PDS5B: variants seen among roughly 807,000 people sequenced by gnomAD.
The protein encoded by PDS5B is sister chromatid cohesion protein PDS5 homolog B.
A neutral mutation model predicts 184.1 loss-of-function variants in PDS5B; 51 were observed. The observed-to-expected ratio is 0.28, with a 90% CI of 0.22 to 0.35. The LOEUF (loss-of-function observed/expected upper bound fraction) is 0.35, where lower values mean the gene tolerates loss of function less well. PDS5B is among the 10% of genes least tolerant of loss of function. PDS5B has a pLI of 1.00. For synonymous variants in PDS5B, 566 were observed against 569.2 expected, an observed-to-expected ratio of 0.99 and a Z score of 0.08; for missense variants, 1,180 against 1,723.3, an observed-to-expected ratio of 0.68 and a Z score of 5.58.
intron 33 of PDS5B, 91 bp from the exon 34 acceptor site, chr13:32,773,098 T>C (rs937927327): frequency 1.8e-6 from 2 of 1,084,004 alleles, no homozygotes; most frequent in African/African-American, 1.6e-5. Flanking sequence ...AAAGATGATA[T>C]GACGATGAAA....
chr13:32,766,937 A>C (rs1954604956), intron 31 of PDS5B, among the ~76,000 whole-genome samples: 1 of 152,168 alleles, frequency 6.6e-6, no homozygotes, highest in South Asian at 2.1e-4. Context: ...AAGAAGTGAC[A>C]TTTTAAATTT....
intron 20 of PDS5B, among the ~76,000 whole-genome samples, chr13:32,733,773 AT>A (rs1316630248): frequency 6.6e-6 from 1 of 152,190 alleles, no homozygotes; most frequent in Non-Finnish European, 1.5e-5. Flanking sequence ...CCACCCATGT[AT>A]CCCCAGCCAC....
At chr13:32,668,591 G>A (rs1479898022) in intron 7 of PDS5B, among the ~76,000 whole-genome samples, 7 of 152,280 alleles carry the variant, frequency 4.6e-5, no homozygotes, top group Admixed American at 4.6e-4. Flanking sequence ...GAATACAAAT[G>A]TAGAGTACAG....
intron 19 of PDS5B, among the ~76,000 whole-genome samples, chr13:32,723,347 T>C (rs1158355448): frequency 6.6e-6 from 1 of 152,228 alleles, no homozygotes; most frequent in Non-Finnish European, 1.5e-5. Context: ...AGTTTTTTCT[T>C]TAGGGTTTCA....
At chr13:32,734,015 A>ACACACAC (rs1555312887) in intron 20 of PDS5B, among the ~76,000 whole-genome samples, 14 of 58,150 alleles carry the variant, frequency 2.4e-4, no homozygotes, top group African/African-American at 1.2e-3. Context: ...CACACACACA[A>ACACACAC]ACATATATTT....
Position 32,775,432 on chromosome 13 carries a change from G to A in PDS5B, c.*380G>A, listed in dbSNP as rs1452058589. The stretch of plus-strand genomic sequence containing the variant: ...TATTGATTTGAAAAGAATTTGTTAG[G>A]ATAGATCTTAAGCAGTAATCTGTCA... On this transcript the variant is annotated 3_prime_UTR_variant, in exon 35 of 35. Coordinates refer to ENST00000315596, the MANE Select transcript of PDS5B (RefSeq NM_015032.4). 3.1e-6 allele frequency: 1 copy of A among 319,662 alleles called. No individual in the cohort carries two copies. The highest frequency in any genetic ancestry group is 6.1e-6 in the Non-Finnish European group (1 of 165,122). The allele number at this position is 319,662 out of a possible 1,614,324, so 19.8% of individuals were successfully genotyped here. A position where few individuals can be genotyped will look rare whatever the true frequency, so the allele number is the denominator to read the frequency against.
chr13:32,607,379 A>G (rs2058076125), intron 1 of PDS5B, among the ~76,000 whole-genome samples: 1 of 152,206 alleles, frequency 6.6e-6, no homozygotes. Context: ...AACAGCAAAT[A>G]TTGCAGAACG....
chr13:32,621,335 G>A (rs1485554300), intron 1 of PDS5B, among the ~76,000 whole-genome samples: 1 of 152,158 alleles, frequency 6.6e-6, no homozygotes, highest in Non-Finnish European at 1.5e-5. Flanking sequence ...GTGGTGGTGT[G>A]TTCCTGTAGC....
chr13:32,660,803 C>A (rs1191894469), intron 6 of PDS5B, among the ~76,000 whole-genome samples: 1 of 151,964 alleles, frequency 6.6e-6, no homozygotes, highest in Non-Finnish European at 1.5e-5. Context: ...TTCCAAACTT[C>A]CTGTCTCTAA....
At chr13:32,646,299 G>A (rs1950221785) in intron 1 of PDS5B, among the ~76,000 whole-genome samples, 2 of 150,272 alleles carry the variant, frequency 1.3e-5, no homozygotes, top group South Asian at 2.1e-4. Context: ...GAACCATCAT[G>A]CCCATCCAGA....
intron 19 of PDS5B, among the ~76,000 whole-genome samples, chr13:32,721,299 C>T (rs148483029): frequency 0.44 from 64,915 of 149,080 alleles, 14,315 homozygotes; most frequent in African/African-American, 0.48. Flanking sequence ...GGGTGGCTGC[C>T]GGGCGGGGGA....
At chr13:32,670,008 C>T (rs1950892183) in intron 7 of PDS5B, among the ~76,000 whole-genome samples, 1 of 152,082 alleles carries the variant, frequency 6.6e-6, no homozygotes, top group Non-Finnish European at 1.5e-5. Flanking sequence ...ACAGTTAAAA[C>T]AGCTATTATT....
rs150099260 is a variant in PDS5B, at chr13:32,764,079, C to T, written c.3519-410C>T. 7.9e-5 allele frequency among the ~76,000 whole-genome samples: 12 copies of T among 151,790 alleles called. No homozygotes were observed. In the East Asian group the frequency reaches 1.9e-3, roughly 25 times the overall value. ...TATTCTAACGGGAAGGCAGTCAGTA[C>T]GTAATAAATGTAATAATTATAGTGT... is the stretch of plus-strand genomic sequence containing the variant. On this transcript the variant is annotated intron_variant, in intron 30 of 34. Coordinates refer to ENST00000315596, the MANE Select transcript of PDS5B (RefSeq NM_015032.4).
At chr13:32,606,164 G>T (rs1474874154) in intron 1 of PDS5B, among the ~76,000 whole-genome samples, 1 of 152,196 alleles carries the variant, frequency 6.6e-6, no homozygotes, top group African/African-American at 2.4e-5. Context: ...TCCTAGCATT[G>T]ATGGTCTTTA....
chr13:32,643,823 C>T (rs922381282), intron 1 of PDS5B, among the ~76,000 whole-genome samples: 1 of 152,120 alleles, frequency 6.6e-6, no homozygotes, highest in Non-Finnish European at 1.5e-5. Context: ...AATTCCCCAA[C>T]AACGTATTTA....
intron 1 of PDS5B, among the ~76,000 whole-genome samples, chr13:32,609,143 A>T (rs1349506514): frequency 6.6e-6 from 1 of 152,224 alleles, no homozygotes; most frequent in Non-Finnish European, 1.5e-5. Context: ...TTTGCTGTGC[A>T]TAATGCAACT....
At chr13:32,731,759 A>G (rs1953129881) in intron 19 of PDS5B, among the ~76,000 whole-genome samples, 1 of 152,148 alleles carries the variant, frequency 6.6e-6, no homozygotes, top group Non-Finnish European at 1.5e-5. Flanking sequence ...AGTTTCATAC[A>G]TGTGTAAGGT....
chr13:32,684,206 A>C (rs1164027555), intron 11 of PDS5B, among the ~76,000 whole-genome samples, 183 bp downstream of exon 11: 1 of 152,154 alleles, frequency 6.6e-6, no homozygotes, highest in Non-Finnish European at 1.5e-5. Flanking sequence ...AAATTGTATC[A>C]GTTTTTCTTC....
At chr13:32,732,767 A>G (rs1480968005) in intron 20 of PDS5B, among the ~76,000 whole-genome samples, 4 of 152,104 alleles carry the variant, frequency 2.6e-5, no homozygotes, top group Non-Finnish European at 4.4e-5. Flanking sequence ...ATTGCTGCCT[A>G]TTGTAATTAG....
Sources: allele counts gnomAD v4.1 joint callset (sites outside exome capture counted in the v4.1 genomes callset), GRCh38; gene constraint gnomAD v4.1.1; transcripts MANE v1.5; gene names NCBI Gene and HGNC (gene_info 2026-07-23, HGNC 2026-07-21).